Variants in SLCO1B3 observed in about 807,000 individuals in gnomAD.
SLCO1B3 encodes the protein liver-specific organic anion transporter 2.
Under a neutral mutation model 71.8 loss-of-function variants are expected in SLCO1B3, and 72 were observed. The ratio of observed to expected loss-of-function variants is 1.00; its 90% CI spans 0.83 to 1.22. The LOEUF (loss-of-function observed/expected upper bound fraction) is 1.22. SLCO1B3 is among the 50% of genes most tolerant of loss of function. SLCO1B3 has a pLI of 0.00. For missense variants in SLCO1B3, 911 were observed against 819.7 expected (o/e 1.11, Z -1.36); for synonymous variants, 298 against 278.4 (o/e 1.07, Z -0.70).
chr12:20,893,518 TC>T (rs1356590138), intron 13 of SLCO1B3, among the ~76,000 whole-genome samples: 9 of 152,060 alleles, frequency 5.9e-5, no homozygotes, highest in Non-Finnish European at 1.3e-4. Flanking sequence ...AAATGAAAGA[TC>T]AATGAGAACT....
intron 13 of SLCO1B3, among the ~76,000 whole-genome samples, chr12:20,889,611 A>G (rs1747443929): frequency 1.3e-5 from 2 of 152,056 alleles, no homozygotes; most frequent in Admixed American, 1.3e-4. Context: ...AGCTACTAGT[A>G]AGCTATCTAT....
At chr12:20,869,425 G>A (rs970126850) in intron 8 of SLCO1B3, among the ~76,000 whole-genome samples, 20 of 152,098 alleles carry the variant, frequency 1.3e-4, no homozygotes, top group Non-Finnish European at 2.2e-4. Context: ...TTGGAATAAA[G>A]AGTAATTGCT....
chr12:20,904,039 A>G (rs1412416943), intron 15 of SLCO1B3, among the ~76,000 whole-genome samples: 3 of 152,048 alleles, frequency 2.0e-5, no homozygotes, highest in Non-Finnish European at 2.9e-5. Flanking sequence ...GGAGATTGAG[A>G]CCATCCTGGT....
chr12:20,916,360 A>T lies in SLCO1B3; in HGVS notation c.*113A>T. On this transcript the variant is annotated 3_prime_UTR_variant, in exon 16 of 16. Transcript: ENST00000381545. ...ATGGATAAGTCTATGCATCTATAAT[A>T]AACTATAAAAAATGGGAGTACCCAT... The T allele has an allele frequency of 1.0e-6, 1 of 992,464 alleles. No individual in the cohort carries two copies. Among genetic ancestry groups the T allele is most frequent in the Non-Finnish European group, 1.5e-6 (1 of 670,208 alleles). 61.5% of individuals were successfully genotyped at this position (992,464 alleles called of 1,614,324 possible).
intron 3 of SLCO1B3, among the ~76,000 whole-genome samples, chr12:20,818,904 C>A (rs561006733): frequency 6.6e-6 from 1 of 152,116 alleles, no homozygotes; most frequent in Non-Finnish European, 1.5e-5. Context: ...GATTGAAGTC[C>A]GGGCCAGGAA....
rs374647058 is a variant in SLCO1B3, at chr12:20,862,883, A to G, written c.727+29A>G. 303 of 1,266,860 alleles carry G rather than the reference A, an allele frequency of 2.4e-4. 2 individuals carry two copies. Among genetic ancestry groups the G allele is most frequent in the Admixed American group, 7.1e-5 (4 of 56,484 alleles). 78.5% of individuals were successfully genotyped at this position (1,266,860 alleles called of 1,614,324 possible). On this transcript the variant is annotated intron_variant, in intron 8 of 15. Transcript: ENST00000381545. Reference sequence around the variant, plus strand: ...AGTACAATTAGAACAAGGTACCATGATAGTGTCTTTTAAGTGCAGGACACC... The same window carrying G: ...AGTACAATTAGAACAAGGTACCATGGTAGTGTCTTTTAAGTGCAGGACACC...
At chr12:20,907,298 C>T (rs1335601347) in intron 15 of SLCO1B3, among the ~76,000 whole-genome samples, 1 of 152,098 alleles carries the variant, frequency 6.6e-6, no homozygotes, top group African/African-American at 2.4e-5. Flanking sequence ...TCTGGAATTA[C>T]AGTAAAGCAG....
At chr12:20,879,928 A>AACAC (rs1183786061) in intron 11 of SLCO1B3, among the ~76,000 whole-genome samples, 1 of 152,100 alleles carries the variant, frequency 6.6e-6, no homozygotes, top group African/African-American at 2.4e-5. Context: ...GATTTAGAGA[A>AACAC]ACACACACAT....
chr12:20,883,608 T>C lies in SLCO1B3; in HGVS notation c.1682+6T>C, dbSNP rs765321323. On this transcript the variant is annotated splice_donor_region_variant and intron_variant, in intron 13 of 15. Transcript: ENST00000381545. ...TTTATCTTGTTGACTGTGAAGTAAG[T>C]ATGATCCTGTAAAACATTGTCATGT... 2 of 1,562,882 alleles carry C rather than the reference T, an allele frequency of 1.3e-6. No homozygotes were observed. Among genetic ancestry groups the C allele is most frequent in the Non-Finnish European group, 1.7e-6 (2 of 1,154,462 alleles).
At chr12:20,813,823 C>T (rs187674988) in intron 2 of SLCO1B3, among the ~76,000 whole-genome samples, 185 bp downstream of exon 2, 431 of 152,300 alleles carry the variant, frequency 2.8e-3, no homozygotes, top group Non-Finnish European at 3.8e-3. Flanking sequence ...CACTGTATCT[C>T]TTCTAGGAAT....
At chr12:20,867,000 T>A (rs1402569370) in intron 8 of SLCO1B3, among the ~76,000 whole-genome samples, 5 of 152,142 alleles carry the variant, frequency 3.3e-5, no homozygotes, top group Non-Finnish European at 7.4e-5. Context: ...CATGCTTTGT[T>A]CCTGAAGACA....
chr12:20,903,052 C>T (rs61672359), intron 15 of SLCO1B3, among the ~76,000 whole-genome samples: 4,284 of 139,470 alleles, frequency 0.031, 205 homozygotes, highest in African/African-American at 0.1. Flanking sequence ...CCAGCCTGGG[C>T]GACAGAGCAG....
chr12:20,815,131 C>A lies in SLCO1B3; in HGVS notation c.-65-543C>A, dbSNP rs185406894. On this transcript the variant is annotated intron_variant, in intron 2 of 15. Coordinates refer to ENST00000381545, the MANE Select transcript of SLCO1B3 (RefSeq NM_019844.4). Reference sequence around the variant, plus strand: ...AGAGATACTTGGAATATATTTTGCTCTTTTAAACAAATCCAAACTTTATCT... The same window carrying A: ...AGAGATACTTGGAATATATTTTGCTATTTTAAACAAATCCAAACTTTATCT... Among the ~76,000 whole-genome samples the A allele has an allele frequency of 1.0e-3, 156 of 152,036 alleles. 2 individuals carry two copies. Among genetic ancestry groups the A allele is most frequent in the Non-Finnish European group, 1.7e-3 (116 of 67,978 alleles).
chr12:20,834,700 T>C (rs11045542), intron 3 of SLCO1B3, among the ~76,000 whole-genome samples: 69,331 of 151,398 alleles, frequency 0.46, 17,889 homozygotes, highest in South Asian at 0.67. Context: ...GCAGCTCCAC[T>C]CCTGTGGCTT....
At chr12:20,828,634 CACACACACACAT>C (rs1208507897) in intron 3 of SLCO1B3, among the ~76,000 whole-genome samples, 3 of 149,262 alleles carry the variant, frequency 2.0e-5, no homozygotes, top group African/African-American at 5.0e-5. Flanking sequence ...AGCATAAAGG[CACACACACACAT>C]ACACACACAC....
chr12:20,903,277 C>A (rs916002474), intron 15 of SLCO1B3, among the ~76,000 whole-genome samples: 8 of 151,924 alleles, frequency 5.3e-5, no homozygotes, highest in Admixed American at 5.2e-4. Flanking sequence ...GGAGACATGT[C>A]CACAAAAAAA....
At chr12:20,867,251 G>T (rs1227607989) in intron 8 of SLCO1B3, among the ~76,000 whole-genome samples, 1 of 152,096 alleles carries the variant, frequency 6.6e-6, no homozygotes, top group Admixed American at 6.5e-5. Context: ...CCAATAGAGA[G>T]AACATTATAA....
At chr12:20,825,170 A>G (rs574476513) in intron 3 of SLCO1B3, among the ~76,000 whole-genome samples, 6 of 152,290 alleles carry the variant, frequency 3.9e-5, no homozygotes, top group African/African-American at 1.4e-4. Flanking sequence ...AAGTGGGTTA[A>G]TGCTATAAGA....
At chr12:20,877,475 CAGGT>C (rs200152290) in intron 9 of SLCO1B3, among the ~76,000 whole-genome samples, 1,594 of 152,072 alleles carry the variant, frequency 0.01, 18 homozygotes, top group African/African-American at 0.035. Context: ...AAATTGCTCT[CAGGT>C]AGCATAATGT....
Sources: allele counts gnomAD v4.1 joint callset (sites outside exome capture counted in the v4.1 genomes callset), GRCh38; gene constraint gnomAD v4.1.1; transcripts MANE v1.5; gene names NCBI Gene and HGNC (gene_info 2026-07-23, HGNC 2026-07-21).